The following SGIP1 variants were observed in gnomAD, a reference collection of about 807,000 sequenced individuals.
The protein encoded by SGIP1 is SH3GL interacting endocytic adaptor 1, also known as SH3-containing GRB2-like protein 3-interacting protein 1.
Under a neutral mutation model 107.5 loss-of-function variants are expected in SGIP1, and 38 were observed. The ratio of observed to expected loss-of-function variants is 0.35; its 90% confidence interval spans 0.27 to 0.46. SGIP1 has a LOEUF of 0.46. Ranked by LOEUF, SGIP1 falls within the 20% of genes least tolerant of loss-of-function variation. The pLI, the probability that SGIP1 is intolerant of heterozygous loss-of-function variation, is 1.00. For missense variants in SGIP1, 929 were observed against 1,019.5 expected (o/e 0.91, Z 1.21); for synonymous variants, 365 against 366.1 (o/e 1.00, Z 0.03).
intron 16 of SGIP1, among the ~76,000 whole-genome samples, chr1:66,689,719 G>C (rs2089377378): frequency 6.6e-6 from 1 of 152,210 alleles, no homozygotes; most frequent in South Asian, 2.1e-4. Context: ...TTCTTGCCTT[G>C]TGTTTTAAGG....
chr1:66,697,046 C>G (rs1013246097), intron 18 of SGIP1, among the ~76,000 whole-genome samples: 4 of 152,122 alleles, frequency 2.6e-5, no homozygotes, highest in Non-Finnish European at 5.9e-5. Context: ...ACTTTGCCAA[C>G]CCTCAAATCA....
Position 66,637,440 on chromosome 1 carries a change from CGTGTGTGTGT to C in SGIP1, c.171+1430_171+1439del, listed in dbSNP as rs751840778. ...TGAGACCAAATTCCTCTAATAAAGC[CGTGTGTGTGT>C]GTGTTTGTGTGTGTGTGTGTGTGTG... is the stretch of plus-strand genomic sequence containing the variant. On this transcript the variant is annotated intron_variant, in intron 4 of 24. Coordinates refer to ENST00000371037, the MANE Select transcript of SGIP1 (RefSeq NM_032291.4). Among the ~76,000 whole-genome samples, 100 of 112,478 alleles carry C rather than the reference CGTGTGTGTGT, an allele frequency of 8.9e-4. 1 individual carries two copies. Among genetic ancestry groups the C allele is most frequent in the African/African-American group, 3.8e-3 (90 of 23,390 alleles). 73.8% of individuals were successfully genotyped at this position (112,478 alleles called of 152,430 possible). A position where few individuals can be genotyped will look rare whatever the true frequency, so the allele number is the denominator to read the frequency against.
chr1:66,541,292 C>A (rs2148049230), intron 1 of SGIP1, among the ~76,000 whole-genome samples: 1 of 152,354 alleles, frequency 6.6e-6, no homozygotes, highest in Non-Finnish European at 1.5e-5. Flanking sequence ...TGTGGGCATC[C>A]TTTTGCAGAA....
intron 1 of SGIP1, among the ~76,000 whole-genome samples, chr1:66,624,885 C>T (rs1239577417): frequency 6.6e-6 from 1 of 152,034 alleles, no homozygotes; most frequent in Non-Finnish European, 1.5e-5. Flanking sequence ...ACAGCCTTGA[C>T]AAGAGAAGTA....
intron 17 of SGIP1, among the ~76,000 whole-genome samples, chr1:66,690,926 G>A (rs962166118): frequency 2.0e-5 from 3 of 152,144 alleles, no homozygotes; most frequent in South Asian, 2.1e-4. Flanking sequence ...ATGCTGTGAC[G>A]AAAGTAAAGA....
rs1203320283 is a variant in SGIP1, at chr1:66,746,240, C to T, written c.*3145C>T. The T allele has an allele frequency of 6.6e-6, 1 of 152,156 alleles. No homozygotes were observed. Among genetic ancestry groups the T allele is most frequent in the African/African-American group, 2.4e-5 (1 of 41,448 alleles). The allele number at this position is 152,156 out of a possible 1,614,324, so 9.4% of individuals were successfully genotyped here. A position where few individuals can be genotyped will look rare whatever the true frequency, so the allele number is the denominator to read the frequency against. On this transcript the variant is annotated 3_prime_UTR_variant, in exon 25 of 25. Coordinates refer to ENST00000371037, the MANE Select transcript of SGIP1 (RefSeq NM_032291.4). ...GACAAATCACTGCCCTTTTCAGTTT[C>T]TCATCTTTAGAATGGGGAGTTGGGA...
chr1:66,639,741 G>T, intron 4 of SGIP1, 36 bp from the exon 5 acceptor site: 1 of 1,519,880 alleles, frequency 6.6e-7, no homozygotes. Context: ...TTATTCAAAT[G>T]TTTTCCTTCT....
chr1:66,550,846 G>A (rs768018109), intron 1 of SGIP1, among the ~76,000 whole-genome samples: 1 of 151,962 alleles, frequency 6.6e-6, no homozygotes, highest in Non-Finnish European at 1.5e-5. Context: ...CACATTCAAG[G>A]TGGTATGACC....
At chr1:66,635,399 C>T (rs1407640082) in intron 3 of SGIP1, among the ~76,000 whole-genome samples, 2 of 152,192 alleles carry the variant, frequency 1.3e-5, no homozygotes, top group Non-Finnish European at 1.5e-5. Flanking sequence ...TCCCTCCACA[C>T]ATAGACTTGG....
At position 66,729,342 on chromosome 1, in the gene SGIP1, C is replaced by A; in HGVS notation, c.1821C>A (p.Ser607=). The change falls in exon 20 of 25, where the codon TCC becomes TCA. Residue 607 remains serine (S), a synonymous_variant. Coordinates refer to ENST00000371037, the MANE Select transcript of SGIP1 (RefSeq NM_032291.4). ...CCAGACACTTTGCCAACAACCCGTC[C>A]CCAGCTGCTCTGACTTTTCGGGTGA... ...GITRHFANNP[S]PAALTFRVIN... 3 of 1,614,096 alleles carry A rather than the reference C, an allele frequency of 1.9e-6. No individual in the cohort carries two copies. Among genetic ancestry groups the A allele is most frequent in the Non-Finnish European group, 2.5e-6 (3 of 1,180,014 alleles).
intron 18 of SGIP1, among the ~76,000 whole-genome samples, chr1:66,700,956 T>C (rs2091818480): frequency 6.6e-6 from 1 of 152,168 alleles, no homozygotes; most frequent in Non-Finnish European, 1.5e-5. Context: ...CCTTAATCAT[T>C]TACATAATAG....
chr1:66,534,439 G>C, intron 1 of SGIP1, 71 bp downstream of exon 1: 1 of 1,564,172 alleles, frequency 6.4e-7, no homozygotes, highest in Non-Finnish European at 8.8e-7. Context: ...AAGAATATGT[G>C]CAGCCAGTGT....
intron 1 of SGIP1, among the ~76,000 whole-genome samples, chr1:66,556,760 C>A (rs1181994337): frequency 6.6e-6 from 1 of 151,922 alleles, no homozygotes; most frequent in Non-Finnish European, 1.5e-5. Context: ...TGAGTGAACC[C>A]ATCATGGCTA....
intron 1 of SGIP1, among the ~76,000 whole-genome samples, chr1:66,568,770 A>G (rs1245130018): frequency 6.6e-6 from 1 of 152,016 alleles, no homozygotes; most frequent in Non-Finnish European, 1.5e-5. Flanking sequence ...CAAAAACCAC[A>G]TGATTATCTC....
chr1:66,709,006 T>G (rs369347828), intron 18 of SGIP1, among the ~76,000 whole-genome samples: 1 of 152,092 alleles, frequency 6.6e-6, no homozygotes, highest in African/African-American at 2.4e-5. Context: ...TGTTTTTGTT[T>G]GTTTTGTTTT....
Position 66,674,657 on chromosome 1 carries a change from G to C in SGIP1, c.646+1291G>C, listed in dbSNP as rs565112187. Reference sequence around the variant, plus strand: ...AAGTAAACAATATAGGACTGGTAAAGTAGTTCTGTTGTCTTTAAAATGTTA... The same window carrying C: ...AAGTAAACAATATAGGACTGGTAAACTAGTTCTGTTGTCTTTAAAATGTTA... On this transcript the variant is annotated intron_variant, in intron 12 of 24. Transcript: ENST00000371037. 9.8e-5 allele frequency among the ~76,000 whole-genome samples: 15 copies of C among 152,320 alleles called. No homozygotes were observed. The South Asian group carries it at 2.9e-3, about 29-fold the overall frequency.
rs376197165 is a variant in SGIP1 at position 66,534,329 on chromosome 1, T to C, written c.-30T>C. 179 of 1,613,772 alleles carry C rather than the reference T, an allele frequency of 1.1e-4. No homozygotes were observed. The African/African-American group carries it at 2.3e-3, about 20-fold the overall frequency. On this transcript the variant is annotated 5_prime_UTR_variant, in exon 1 of 25. Coordinates refer to ENST00000371037, the MANE Select transcript of SGIP1 (RefSeq NM_032291.4). ...ATCCTCCTGTGTTTTTTCAGACTCC[T>C]TGGAAATTAAGGAATGCAATTCTGC...
In SGIP1 at chr1:66,597,248, C is replaced by T. The variant is rs2064888478; in HGVS notation, c.11-28599C>T. 2.0e-5 allele frequency among the ~76,000 whole-genome samples: 3 copies of T among 152,158 alleles called. No homozygotes were observed. The South Asian group carries it at 6.2e-4, about 31-fold the overall frequency. On this transcript the variant is annotated intron_variant, in intron 1 of 24. Transcript: ENST00000371037. ...GAAGTAGGCCCCAATGTCTATTGTTCCCTTCTTTGTGTTCATGAGTTCTCT... is the reference window on the plus strand; with the variant it reads ...GAAGTAGGCCCCAATGTCTATTGTTTCCTTCTTTGTGTTCATGAGTTCTCT...
chr1:66,623,553 A>G lies in SGIP1; in HGVS notation c.11-2294A>G, dbSNP rs537261283. On this transcript the variant is annotated intron_variant, in intron 1 of 24. Transcript: ENST00000371037. ...GGCATAGGCTACTGCACCTGGCCCA[A>G]ACTTTTTTTCTTATTCAACAATTTG... Among the ~76,000 whole-genome samples the G allele has an allele frequency of 9.2e-5, 14 of 152,294 alleles. No individual in the cohort carries two copies. In the East Asian group the frequency reaches 2.1e-3, roughly 23 times the overall value.
Sources: gnomAD v4.1 joint callset for allele counts (sites outside exome capture counted in the v4.1 genomes callset) on GRCh38, gnomAD v4.1.1 for gene constraint, MANE v1.5 for transcripts, NCBI Gene and HGNC (gene_info 2026-07-23, HGNC 2026-07-21) for gene names.